The following PIP5K1B variants were observed in gnomAD, a reference collection of about 807,000 sequenced individuals.
The protein encoded by PIP5K1B is phosphatidylinositol 4-phosphate 5-kinase type-1 beta.
In PIP5K1B, 42 loss-of-function variants were observed where a neutral mutation model predicts 67.0. The ratio of observed to expected loss-of-function variants is 0.63; its 90% CI spans 0.49 to 0.81. The LOEUF (loss-of-function observed/expected upper bound fraction) is 0.81. Among genes scored for constraint, PIP5K1B ranks in the 30% least tolerant of loss-of-function variants. PIP5K1B has a pLI of 0.00. For missense variants in PIP5K1B, 459 were observed against 646.3 expected, an observed-to-expected ratio of 0.71 and a Z score of 3.14; for synonymous variants, 214 against 231.4, an observed-to-expected ratio of 0.92 and a Z score of 0.68.
chr9:68,861,565 A>T (rs1823074656), intron 4 of PIP5K1B, among the ~76,000 whole-genome samples: 1 of 152,166 alleles, frequency 6.6e-6, no homozygotes, highest in African/African-American at 2.4e-5. Flanking sequence ...GCAGATACAG[A>T]TAGTTCTGGA....
chr9:68,730,617 A>G lies in PIP5K1B; in HGVS notation c.-242-11884A>G, dbSNP rs146438381. On this transcript the variant is annotated intron_variant, in intron 1 of 15. Transcript: ENST00000265382. ...TCTTAACAGATATCACACTTTGAGT[A>G]ATGTCATATACAAGTAAATTGCAGA... Among the ~76,000 whole-genome samples, 4 of 152,354 alleles carry G rather than the reference A, an allele frequency of 2.6e-5. No homozygotes were observed. The East Asian group carries it at 7.7e-4, about 29-fold the overall frequency.
At chr9:68,989,480 C>T (rs1205726975) in intron 14 of PIP5K1B, among the ~76,000 whole-genome samples, 1 of 152,170 alleles carries the variant, frequency 6.6e-6, no homozygotes, top group Admixed American at 6.5e-5. Context: ...TGGTTCCCTC[C>T]ACATGGCCAA....
At position 68,771,793 on chromosome 9, in the gene PIP5K1B, A is replaced by G. The variant is rs570205891; in HGVS notation, c.-86+29136A>G. Among the ~76,000 whole-genome samples the G allele has an allele frequency of 8.5e-5, 13 of 152,274 alleles. No homozygotes were observed. The South Asian group carries it at 2.7e-3, about 32-fold the overall frequency. On this transcript the variant is annotated intron_variant, in intron 2 of 15. Transcript: ENST00000265382. ...AGGAGAGTGAAGAAAAAAAATCTGT[A>G]CCATTTCCTAATAAGTGGGAACTTT...
At chr9:68,927,036 C>G (rs541270261) in intron 12 of PIP5K1B, among the ~76,000 whole-genome samples, 21 of 152,290 alleles carry the variant, frequency 1.4e-4, no homozygotes, top group Non-Finnish European at 2.2e-4. Context: ...ATAATGTGAA[C>G]TTTTCTGTTT....
intron 1 of PIP5K1B, among the ~76,000 whole-genome samples, chr9:68,735,988 G>C (rs1421227733): frequency 6.6e-6 from 1 of 152,154 alleles, no homozygotes; most frequent in Admixed American, 6.5e-5. Flanking sequence ...CCTGGAGCAG[G>C]GTCAGCCAGG....
chr9:68,830,354 G>C (rs921600956), intron 4 of PIP5K1B, among the ~76,000 whole-genome samples: 1 of 152,076 alleles, frequency 6.6e-6, no homozygotes, highest in Non-Finnish European at 1.5e-5. Context: ...GTGATTGCAA[G>C]TCTGCCTTTA....
At chr9:68,794,341 C>T (rs1420761512) in intron 2 of PIP5K1B, among the ~76,000 whole-genome samples, 6 of 152,298 alleles carry the variant, frequency 3.9e-5, no homozygotes, top group African/African-American at 1.4e-4. Flanking sequence ...CTCCTTTACA[C>T]GTATGTGATT....
intron 1 of PIP5K1B, chr9:68,727,793 G>A (rs969221403): frequency 1.4e-4 from 21 of 152,180 alleles, no homozygotes; most frequent in African/African-American, 4.6e-4. Context: ...CTACAAAACT[G>A]CAGTGTGTCT....
chr9:68,927,462 A>C (rs919538432), intron 12 of PIP5K1B, among the ~76,000 whole-genome samples: 1 of 152,162 alleles, frequency 6.6e-6, no homozygotes, highest in African/African-American at 2.4e-5. Flanking sequence ...TCTTTTGGCT[A>C]TCCTGGTAGG....
At chr9:68,743,195 C>A (rs1368547838) in intron 2 of PIP5K1B, among the ~76,000 whole-genome samples, 1 of 150,624 alleles carries the variant, frequency 6.6e-6, no homozygotes. Flanking sequence ...TAAAATAGCC[C>A]AAATACCAAA....
chr9:68,993,558 G>A (rs552330121), intron 15 of PIP5K1B, among the ~76,000 whole-genome samples: 2 of 151,864 alleles, frequency 1.3e-5, no homozygotes, highest in East Asian at 1.9e-4. Context: ...CATTGCCCCC[G>A]CTTTAAAAAA....
At chr9:68,990,561 C>T (rs1413052579) in intron 14 of PIP5K1B, among the ~76,000 whole-genome samples, 1 of 150,086 alleles carries the variant, frequency 6.7e-6, no homozygotes, top group Non-Finnish European at 1.5e-5. Context: ...TCACATCCTC[C>T]CACCACTCAC....
intron 14 of PIP5K1B, among the ~76,000 whole-genome samples, chr9:68,968,665 T>C (rs1829168586): frequency 6.6e-6 from 1 of 151,714 alleles, no homozygotes; most frequent in African/African-American, 2.4e-5. Flanking sequence ...ATGAAAATAC[T>C]TGTAGGGTGG....
chr9:68,917,403 T>A (rs1564231275), intron 8 of PIP5K1B, 145 bp from the exon 9 acceptor site: 1 of 684,780 alleles, frequency 1.5e-6, no homozygotes, highest in Non-Finnish European at 2.6e-6. Flanking sequence ...CAAGTGTTTT[T>A]ATTTTGATTC....
intron 14 of PIP5K1B, among the ~76,000 whole-genome samples, chr9:68,977,476 T>C (rs1174689561): frequency 6.6e-6 from 1 of 152,116 alleles, no homozygotes; most frequent in Middle Eastern, 3.2e-3. Flanking sequence ...TGAGCTGAGA[T>C]TGGGCTACTG....
chr9:68,873,762 T>G (rs1234196891), intron 5 of PIP5K1B, among the ~76,000 whole-genome samples: 1 of 152,168 alleles, frequency 6.6e-6, no homozygotes, highest in African/African-American at 2.4e-5. Context: ...CTAAGCCACT[T>G]AATTTGTAGA....
chr9:68,921,879 T>A (rs548904305), intron 11 of PIP5K1B, among the ~76,000 whole-genome samples: 1 of 152,216 alleles, frequency 6.6e-6, no homozygotes, highest in East Asian at 1.9e-4. Context: ...AATTAAAAAA[T>A]ATACCTATCA....
intron 2 of PIP5K1B, among the ~76,000 whole-genome samples, chr9:68,744,952 A>G (rs1232893981): frequency 6.6e-6 from 1 of 152,080 alleles, no homozygotes; most frequent in East Asian, 1.9e-4. Context: ...ACCCTAATAT[A>G]TAGCCCTGTA....
Position 68,921,349 on chromosome 9 carries a change from C to A in PIP5K1B, c.1116+1620C>A, listed in dbSNP as rs941183747. ...GAATTAACCTCAATCTTACTGAGAT[C>A]AAAAATTCCTCCTATGAAAGAAGGT... On this transcript the variant is annotated intron_variant, in intron 11 of 15. Coordinates refer to ENST00000265382, the MANE Select transcript of PIP5K1B (RefSeq NM_003558.4). Among the ~76,000 whole-genome samples the A allele has an allele frequency of 2.6e-5, 4 of 151,816 alleles. No homozygotes were observed. In the East Asian group the frequency reaches 5.8e-4, roughly 22 times the overall value.
Sources: gnomAD v4.1 joint callset for allele counts (sites outside exome capture counted in the v4.1 genomes callset) on GRCh38, gnomAD v4.1.1 for gene constraint, MANE v1.5 for transcripts, NCBI Gene and HGNC (gene_info 2026-07-23, HGNC 2026-07-21) for gene names.